The following DISC1 variants were observed in gnomAD, a reference collection of about 807,000 sequenced individuals.
DISC1 encodes the protein DISC1 scaffold protein.
A neutral mutation model predicts 84.5 loss-of-function variants in DISC1; 57 were observed. That is an observed-to-expected ratio of 0.67 (90% CI 0.55 to 0.84). DISC1 has a LOEUF of 0.84. DISC1 is among the 40% of genes least tolerant of loss of function. The probability of loss-of-function intolerance (pLI) is 0.00; values close to 1 mark genes in which losing one functional copy is unlikely to be tolerated. For missense variants in DISC1, 1,000 were observed against 1,057.8 expected, an observed-to-expected ratio of 0.95 and a Z score of 0.76; for synonymous variants, 411 against 415.2, an observed-to-expected ratio of 0.99 and a Z score of 0.12.
chr1:231,888,974 G>A (rs1349207805), intron 9 of DISC1, among the ~76,000 whole-genome samples: 4 of 152,112 alleles, frequency 2.6e-5, no homozygotes, highest in Admixed American at 1.3e-4. Flanking sequence ...ATCCTTTGAG[G>A]GAGGCTGAGC....
At chr1:231,714,286 A>G (rs1007744160) in intron 3 of DISC1, among the ~76,000 whole-genome samples, 2 of 152,086 alleles carry the variant, frequency 1.3e-5, no homozygotes, top group African/African-American at 2.4e-5. Flanking sequence ...CCAGAAATAC[A>G]CCCATATATC....
At chr1:231,626,968 T>C (rs1447783209) in intron 1 of DISC1, 34 bp downstream of exon 1, 1 of 1,433,316 alleles carries the variant, frequency 7.0e-7, no homozygotes, top group East Asian at 2.8e-5. Context: ...TAGCACGTCC[T>C]GGGGGGGTCC....
intron 9 of DISC1, among the ~76,000 whole-genome samples, chr1:231,900,908 C>G (rs1327420172): frequency 2.0e-5 from 3 of 152,170 alleles, no homozygotes; most frequent in Non-Finnish European, 2.9e-5. Flanking sequence ...AAAATCTACT[C>G]TAGCTGCTGC....
chr1:231,855,027 T>C, intron 9 of DISC1: 1 of 1,028,776 alleles, frequency 9.7e-7, no homozygotes, highest in Non-Finnish European at 1.2e-6. Flanking sequence ...CTACAATAAT[T>C]CTTTAATGTG....
At position 231,816,487 on chromosome 1, in the gene DISC1, C is replaced by T. The variant is rs115934097; in HGVS notation, c.1793-1842C>T. Among the ~76,000 whole-genome samples, 843 of 152,202 alleles carry T rather than the reference C, an allele frequency of 5.5e-3. 11 individuals are homozygous for T. Among genetic ancestry groups the T allele is most frequent in the African/African-American group, 0.019 (784 of 41,550 alleles). The stretch of plus-strand genomic sequence containing the variant: ...TCTGTATCTTATCTGAAGTTCTTGC[C>T]TACTCCAAAGTCAATCAAATATTCA... On this transcript the variant is annotated intron_variant, in intron 8 of 12. Transcript: ENST00000439617.
At chr1:231,654,160 C>T (rs2060867361) in intron 1 of DISC1, among the ~76,000 whole-genome samples, 3 of 152,136 alleles carry the variant, frequency 2.0e-5, no homozygotes, top group Admixed American at 1.3e-4. Context: ...GGGGAGTCCG[C>T]CATCTTAGGA....
At chr1:231,682,996 C>G (rs1225065270) in intron 1 of DISC1, among the ~76,000 whole-genome samples, 2 of 152,244 alleles carry the variant, frequency 1.3e-5, no homozygotes, top group Non-Finnish European at 2.9e-5. Context: ...CTGGTGCCAT[C>G]TGTCACCTTC....
rs564630447 is a variant in DISC1 at position 231,755,298 on chromosome 1, C to T, written c.1268+5222C>T. ...TTAAGCAATTCTTCCACCTTGGGCT[C>T]CTGAAGTGTTGGGATTACAGGCATG... On this transcript the variant is annotated intron_variant, in intron 4 of 12. Transcript: ENST00000439617. Among the ~76,000 whole-genome samples the T allele has an allele frequency of 1.4e-4, 22 of 152,052 alleles. No homozygotes were observed. The East Asian group carries it at 3.7e-3, about 25-fold the overall frequency.
intron 1 of DISC1, among the ~76,000 whole-genome samples, chr1:231,656,729 CTA>C (rs779143434): frequency 3.9e-5 from 6 of 152,182 alleles, no homozygotes; most frequent in Non-Finnish European, 8.8e-5. Context: ...ATCCTATCAA[CTA>C]GGTATTAAGC....
At position 231,784,171 on chromosome 1, in the gene DISC1, T is replaced by G. The variant is rs113147356; in HGVS notation, c.1635-11071T>G. On this transcript the variant is annotated intron_variant, in intron 6 of 12. Coordinates refer to ENST00000439617, the MANE Select transcript of DISC1 (RefSeq NM_018662.3). ...CCAGCTACTCAGGAGGCTGAGGCAGTACAATCGCTTGAACCCGGGAGGCAG... is the reference window on the plus strand; with the variant it reads ...CCAGCTACTCAGGAGGCTGAGGCAGGACAATCGCTTGAACCCGGGAGGCAG... Among the ~76,000 whole-genome samples, 445 of 150,734 alleles carry G rather than the reference T, an allele frequency of 3.0e-3. 4 individuals carry two copies. The highest frequency in any genetic ancestry group is 0.01 in the African/African-American group (421 of 40,942).
intron 11 of DISC1, among the ~76,000 whole-genome samples, chr1:232,010,787 G>A (rs189841373): frequency 6.6e-6 from 1 of 152,086 alleles, no homozygotes; most frequent in Non-Finnish European, 1.5e-5. Context: ...GCAATAAACT[G>A]GGGGGAGCTT....
At chr1:231,680,918 G>T (rs2063625030) in intron 1 of DISC1, among the ~76,000 whole-genome samples, 1 of 152,228 alleles carries the variant, frequency 6.6e-6, no homozygotes, top group Non-Finnish European at 1.5e-5. Context: ...GCTGTCTTTT[G>T]CTAGGGTGGA....
At chr1:231,963,349 T>TA (rs2102778673) in intron 10 of DISC1, among the ~76,000 whole-genome samples, 1 of 152,312 alleles carries the variant, frequency 6.6e-6, no homozygotes, top group African/African-American at 2.4e-5. Flanking sequence ...AAATTGCTGA[T>TA]ATTTCACCAT....
In DISC1 at chr1:232,026,568, T is replaced by C. The variant is rs1669481132; in HGVS notation, c.2425+16T>C. On this transcript the variant is annotated intron_variant, in intron 12 of 12. Coordinates refer to ENST00000439617, the MANE Select transcript of DISC1 (RefSeq NM_018662.3). ...GATCTCATTCATATCCTTTTCATCT[T>C]GCAGATGAAGCAAGGCAAAGTTATT... 1 of 1,556,956 alleles carries C rather than the reference T, an allele frequency of 6.4e-7. No individual in the cohort carries two copies. The highest frequency in any genetic ancestry group is 8.8e-7 in the Non-Finnish European group (1 of 1,138,234).
At chr1:231,830,968 G>A (rs1168430158) in intron 9 of DISC1, among the ~76,000 whole-genome samples, 3 of 152,194 alleles carry the variant, frequency 2.0e-5, no homozygotes, top group African/African-American at 7.2e-5. Flanking sequence ...GACTAATAAA[G>A]GCTCGTCTGT....
At chr1:231,798,274 A>C (rs1271243461) in intron 7 of DISC1, among the ~76,000 whole-genome samples, 1 of 152,182 alleles carries the variant, frequency 6.6e-6, no homozygotes, top group Non-Finnish European at 1.5e-5. Flanking sequence ...AGATGGAAGA[A>C]ACAGTTGGAA....
Position 231,958,976 on chromosome 1 carries a change from CTGGCCAGT to C in DISC1, c.2042+90_2042+97del, listed in dbSNP as rs1558782182. On this transcript the variant is annotated intron_variant, in intron 10 of 12. Transcript: ENST00000439617. ...AATTTAGTTAAATCGATGAAAAAGG[CTGGCCAGT>C]TTCTCTAATAAATTAACAAAGAAAG... The C allele has an allele frequency of 2.7e-6, 4 of 1,502,634 alleles. No homozygotes were observed. The East Asian group carries it at 9.7e-5, about 37-fold the overall frequency. The allele number at this position is 1,502,634 out of a possible 1,614,324, so 93.1% of individuals were successfully genotyped here.
intron 9 of DISC1, among the ~76,000 whole-genome samples, chr1:231,821,638 G>A (rs543939103): frequency 1.3e-5 from 2 of 151,612 alleles, no homozygotes; most frequent in East Asian, 3.9e-4. Flanking sequence ...TAATTATTGT[G>A]GATTCCAATG....
At chr1:232,007,616 T>C (rs1047272081) in intron 10 of DISC1, among the ~76,000 whole-genome samples, 1 of 152,228 alleles carries the variant, frequency 6.6e-6, no homozygotes, top group African/African-American at 2.4e-5. Flanking sequence ...CTTTTGATTT[T>C]ACAGGCTCCT....
Sources: gnomAD v4.1 joint callset for allele counts (sites outside exome capture counted in the v4.1 genomes callset) on GRCh38, gnomAD v4.1.1 for gene constraint, MANE v1.5 for transcripts, NCBI Gene and HGNC (gene_info 2026-07-23, HGNC 2026-07-21) for gene names.